The following BHMT variants were observed in gnomAD, a reference collection of about 807,000 sequenced individuals.
The protein encoded by BHMT is betaine--homocysteine S-methyltransferase, also known as betaine--homocysteine S-methyltransferase 1.
BHMT carries 38 observed loss-of-function variants against 49.5 expected under a neutral mutation model. The observed-to-expected ratio is 0.77, with a 90% confidence interval of 0.59 to 1.01. The LOEUF (loss-of-function observed/expected upper bound fraction) is 1.01. Among genes scored for constraint, BHMT ranks in the 50% least tolerant of loss-of-function variants. The pLI, the probability that BHMT is intolerant of heterozygous loss-of-function variation, is 0.00. For synonymous variants in BHMT, 166 were observed against 176.3 expected (o/e 0.94, Z 0.46); for missense variants, 426 against 495.7 (o/e 0.86, Z 1.34).
chr5:79,113,679 A>C (rs932720378), intron 1 of BHMT, among the ~76,000 whole-genome samples: 4 of 152,238 alleles, frequency 2.6e-5, no homozygotes, highest in African/African-American at 7.2e-5. Context: ...CTGATATTAC[A>C]TATACTGTTT....
At chr5:79,128,040 G>A (rs1392228058) in intron 7 of BHMT, 57 bp downstream of exon 7, 51 of 1,541,530 alleles carry the variant, frequency 3.3e-5, no homozygotes, top group Non-Finnish European at 4.2e-5. Flanking sequence ...TTCAAGTGAG[G>A]CCATTTAGAA....
At chr5:79,125,975 T>G (rs1756546458) in intron 5 of BHMT, 71 bp from the exon 6 acceptor site, 1 of 1,457,882 alleles carries the variant, frequency 6.9e-7, no homozygotes, top group East Asian at 2.3e-5. Context: ...TGATTCCTGA[T>G]GAAGAGAGGA....
chr5:79,131,163 A>G lies in BHMT; in HGVS notation c.*47A>G. The G allele has an allele frequency of 1.3e-6, 2 of 1,549,824 alleles. No individual in the cohort carries two copies. Among genetic ancestry groups the G allele is most frequent in the Non-Finnish European group, 1.7e-6 (2 of 1,143,134 alleles). ...ATGAATTTCTAGGTGTTTGGGTCAC[A>G]GTTCCTACAAATACGGAAAAGGGGG... is the stretch of plus-strand genomic sequence containing the variant. On this transcript the variant is annotated 3_prime_UTR_variant, in exon 8 of 8. Transcript: ENST00000274353.
rs745479471 is a variant in BHMT at position 79,121,325 on chromosome 5, C to T, written c.585C>T (p.Gly195=). ...TTGGCCCAGAAGGAGATTTGCATGG[C>T]GTGCCCCCCGGCGAGTGTGCAGTGC... ...MCIGPEGDLH[G]VPPGECAVRL... is the part of the protein sequence containing the mutation. The change falls in exon 5 of 8, where the codon GGC becomes GGT. Residue 195 remains glycine, a synonymous_variant. Coordinates refer to ENST00000274353, the MANE Select transcript of BHMT (RefSeq NM_001713.3). 5.6e-5 allele frequency: 90 copies of T among 1,614,008 alleles called. 1 individual carries two copies. The East Asian group carries it at 1.7e-3, about 31-fold the overall frequency.
At chr5:79,121,155 A>T (rs991067289) in intron 4 of BHMT, 63 bp from the exon 5 acceptor site, 1 of 1,581,130 alleles carries the variant, frequency 6.3e-7, no homozygotes, top group Non-Finnish European at 8.6e-7. Flanking sequence ...CGTCTCAAAA[A>T]AAAAAAAAAA....
chr5:79,119,344 G>T lies in BHMT; in HGVS notation c.252G>T (p.Glu84Asp). ...TCTATGCGAGTGAAGACAAGCTGGA[G>T]AACAGGGGCAACTATGTCTTAGAGA... Reference protein sequence around the residue: ...FTFYASEDKLENRGNYVLEKI... With the variant: ...FTFYASEDKLDNRGNYVLEKI... The change falls in exon 3 of 8, where the codon GAG (glutamate) becomes GAT (aspartate). Residue 84 changes from glutamate (E) to aspartate (D), a missense_variant. This residue lies in a region of BHMT where 321 missense variants were observed against 355.9 expected (regional missense o/e 0.90). Transcript: ENST00000274353. 2.5e-6 allele frequency: 4 copies of T among 1,614,072 alleles called. No homozygotes were observed. Among genetic ancestry groups the T allele is most frequent in the Non-Finnish European group, 3.4e-6 (4 of 1,179,968 alleles).
intron 5 of BHMT, among the ~76,000 whole-genome samples, chr5:79,121,587 G>A (rs1756473651): frequency 1.3e-5 from 2 of 152,060 alleles, no homozygotes; most frequent in South Asian, 4.1e-4. Flanking sequence ...GGCAGAGACG[G>A]GTGGATCATG....
At chr5:79,125,322 G>A (rs891318558) in intron 5 of BHMT, among the ~76,000 whole-genome samples, 2 of 151,924 alleles carry the variant, frequency 1.3e-5, no homozygotes, top group Non-Finnish European at 1.5e-5. Context: ...CTGTCGTGGT[G>A]GTGTGCGCCT....
intron 5 of BHMT, among the ~76,000 whole-genome samples, chr5:79,123,809 C>T (rs1034664321): frequency 6.6e-5 from 10 of 152,126 alleles, no homozygotes; most frequent in African/African-American, 2.4e-4. Flanking sequence ...GCCTCAGCCT[C>T]GCAAAGTGCT....
rs1223020387 is a variant in BHMT at position 79,127,755 on chromosome 5, G to A, written c.809G>A (p.Gly270Glu). ...AATGGCATAATGCCACTTATTACAG[G>A]ACTGGAACCCAGAGTTGCCACCAGA... ...GFIDLPEFPFGLEPRVATRWD... is the reference protein window; with the variant it reads ...GFIDLPEFPFELEPRVATRWD... Residue 270 changes from glycine to glutamate, a missense_variant and splice_region_variant, in exon 7 of 8, where the codon GGA (glycine) becomes GAA (glutamate). Gly to Glu is a moderately conservative substitution (Grantham distance 98). This residue lies in a region of BHMT where 321 missense variants were observed against 355.9 expected (regional missense o/e 0.90). Coordinates refer to ENST00000274353, the MANE Select transcript of BHMT (RefSeq NM_001713.3). 6.2e-7 allele frequency: 1 copy of A among 1,614,012 alleles called. No homozygotes were observed.
chr5:79,132,035 A>G lies in BHMT; in HGVS notation c.*919A>G, dbSNP rs765168143. ...GTTGGTAGCTTTTAAAAAATATAAT[A>G]AGAAAAAAGTAGAGATTCTCCAAAC... On this transcript the variant is annotated 3_prime_UTR_variant, in exon 8 of 8. Coordinates refer to ENST00000274353, the MANE Select transcript of BHMT (RefSeq NM_001713.3). 1.3e-5 allele frequency: 2 copies of G among 152,180 alleles called. No individual in the cohort carries two copies. The highest frequency in any genetic ancestry group is 4.8e-5 in the African/African-American group (2 of 41,446). 9.4% of individuals were successfully genotyped at this position (152,180 alleles called of 1,614,324 possible).
At chr5:79,116,299 C>T (rs530663447) in intron 2 of BHMT, 1 of 153,662 alleles carries the variant, frequency 6.5e-6, no homozygotes, top group East Asian at 1.9e-4. Context: ...TTTTCATGTT[C>T]TGGGCAAAAA....
intron 2 of BHMT, among the ~76,000 whole-genome samples, chr5:79,116,858 T>C (rs919089394): frequency 1.3e-5 from 2 of 152,222 alleles, no homozygotes; most frequent in East Asian, 3.9e-4. Flanking sequence ...TATTGTATTA[T>C]GGGTTAGAGT....
rs370669641 is a variant in BHMT, at chr5:79,130,988, C to T, written c.1093C>T (p.Pro365Ser). ...LRIASGRPYNPSMSKPDGWGV... is the reference protein window; with the variant it reads ...LRIASGRPYNSSMSKPDGWGV... ...GATAGCCTCAGGCCGGCCATACAAC[C>T]CTTCAATGTCAAAGCCAGATGGCTG... The change falls in exon 8 of 8, where the codon CCT (proline) becomes TCT (serine). Residue 365 changes from proline to serine, a missense_variant. By Grantham distance (74) the Pro-to-Ser change is moderately conservative. Transcript: ENST00000274353. The T allele has an allele frequency of 6.2e-7, 1 of 1,613,872 alleles. No homozygotes were observed. The highest frequency in any genetic ancestry group is 8.5e-7 in the Non-Finnish European group (1 of 1,179,926).
Position 79,111,919 on chromosome 5 carries a change from G to A in BHMT, c.33+1G>A, listed in dbSNP as rs1216175760. ...CGTTGGGGGCAAAAAGGCCAAGAAG[G>A]TGAGTCTCCAGGGGACCCGAGGGCG... is the stretch of plus-strand genomic sequence containing the variant. On this transcript the variant is annotated splice_donor_variant, in intron 1 of 7. Coordinates refer to ENST00000274353, the MANE Select transcript of BHMT (RefSeq NM_001713.3). LOFTEE classifies it high-confidence loss of function. The A allele has an allele frequency of 1.9e-6, 3 of 1,607,126 alleles. No individual in the cohort carries two copies. Among genetic ancestry groups the A allele is most frequent in the South Asian group, 1.1e-5 (1 of 89,674 alleles).
rs1217757388 is a variant in BHMT, at chr5:79,115,288, A to C, written c.34-479A>C. ...TTCAAGTTCCTCTGGGCACATAGTGAGATGCTGTCTCTAAGAAAAAAAAAA... is the reference window on the plus strand; with the variant it reads ...TTCAAGTTCCTCTGGGCACATAGTGCGATGCTGTCTCTAAGAAAAAAAAAA... On this transcript the variant is annotated intron_variant, in intron 1 of 7. Transcript: ENST00000274353. 2.7e-5 allele frequency among the ~76,000 whole-genome samples: 4 copies of C among 150,616 alleles called. No individual in the cohort carries two copies. The South Asian group carries it at 8.4e-4, about 32-fold the overall frequency.
At chr5:79,123,374 C>T (rs1267655729) in intron 5 of BHMT, among the ~76,000 whole-genome samples, 1 of 152,224 alleles carries the variant, frequency 6.6e-6, no homozygotes, top group East Asian at 1.9e-4. Context: ...GTGGCACCAG[C>T]TCTGCTGCTC....
intron 5 of BHMT, among the ~76,000 whole-genome samples, chr5:79,125,380 C>T (rs1250148902): frequency 6.8e-6 from 1 of 147,190 alleles, no homozygotes; most frequent in Non-Finnish European, 1.5e-5. Context: ...CACTTGAACC[C>T]AGGAAGCAGA....
At chr5:79,127,691 A>G in intron 6 of BHMT, 64 bp from the exon 7 acceptor site, 1 of 1,538,920 alleles carries the variant, frequency 6.5e-7, no homozygotes, top group Non-Finnish European at 8.8e-7. Context: ...ACTTGTAGCT[A>G]CTTATCTTGA....
Sources: gnomAD v4.1 joint callset for allele counts (sites outside exome capture counted in the v4.1 genomes callset) on GRCh38, gnomAD v4.1.1 for gene constraint, gnomAD v4.1.1 regional missense constraint, MANE v1.5 for transcripts, NCBI Gene and HGNC (gene_info 2026-07-23, HGNC 2026-07-21) for gene names.